The following UBE2D3 variants were observed in gnomAD, a reference collection of about 807,000 sequenced individuals.
UBE2D3 encodes the protein ubiquitin-conjugating enzyme E2 D3.
In UBE2D3, 2 loss-of-function variants were observed where a neutral mutation model predicts 22.8. The observed-to-expected ratio is 0.09, with a 90% CI of 0.04 to 0.28. The LOEUF is 0.28. Ranked by LOEUF, UBE2D3 falls within the 10% of genes least tolerant of loss-of-function variation. The pLI is 1.00. For missense variants in UBE2D3, 27 were observed against 182.5 expected, an observed-to-expected ratio of 0.15 and a Z score of 4.91; for synonymous variants, 56 against 60.4, an observed-to-expected ratio of 0.93 and a Z score of 0.34.
At chr4:102,800,525 A>C (rs1038457019) in intron 6 of UBE2D3, among the ~76,000 whole-genome samples, 3 of 152,132 alleles carry the variant, frequency 2.0e-5, no homozygotes, top group Non-Finnish European at 4.4e-5. Context: ...AGTAGTAGAA[A>C]AACTTGGAAA....
At chr4:102,843,373 T>C (rs1731868386) in intron 1 of UBE2D3, 1 of 151,990 alleles carries the variant, frequency 6.6e-6, no homozygotes, top group Non-Finnish European at 1.5e-5. Flanking sequence ...CACCTGACCA[T>C]GGGACATCAA....
At chr4:102,837,837 A>C (rs1401002948) in intron 1 of UBE2D3, among the ~76,000 whole-genome samples, 2 of 152,210 alleles carry the variant, frequency 1.3e-5, no homozygotes, top group Non-Finnish European at 2.9e-5. Context: ...CTGTAGTCCC[A>C]GCTACTCGGG....
chr4:102,852,899 G>T (rs1732431382), intron 1 of UBE2D3, among the ~76,000 whole-genome samples: 2 of 152,186 alleles, frequency 1.3e-5, no homozygotes, highest in African/African-American at 4.8e-5. Flanking sequence ...AGCCATAGTT[G>T]CTATTGGTCA....
At chr4:102,799,359 A>G in intron 7 of UBE2D3, 48 bp downstream of exon 7, 1 of 1,460,650 alleles carries the variant, frequency 6.8e-7, no homozygotes, top group South Asian at 1.2e-5. Context: ...GTATAAGCCT[A>G]ACTCATTAAG....
chr4:102,835,460 A>T (rs1310786014), intron 1 of UBE2D3, among the ~76,000 whole-genome samples: 1 of 152,236 alleles, frequency 6.6e-6, no homozygotes, highest in African/African-American at 2.4e-5. Context: ...CTATAATATG[A>T]AGTATATTAG....
upstream of UBE2D3, among the ~76,000 whole-genome samples, chr4:102,831,085 G>A (rs1731092202): frequency 6.6e-6 from 1 of 152,110 alleles, no homozygotes; most frequent in Non-Finnish European, 1.5e-5. Context: ...TTTTGTTACA[G>A]AATATTATAA....
At chr4:102,834,618 A>G (rs1230734195) in intron 1 of UBE2D3, among the ~76,000 whole-genome samples, 1 of 151,956 alleles carries the variant, frequency 6.6e-6, no homozygotes, top group Non-Finnish European at 1.5e-5. Flanking sequence ...GCGTGGTGGT[A>G]TGCACCAGTA....
chr4:102,866,473 C>T (rs773923761), intron 1 of UBE2D3, among the ~76,000 whole-genome samples: 1 of 152,168 alleles, frequency 6.6e-6, no homozygotes, highest in Non-Finnish European at 1.5e-5. Flanking sequence ...TTAAAAACGC[C>T]TCTATTGAAC....
chr4:102,808,945 C>T (rs1333617396), intron 4 of UBE2D3: 1 of 155,918 alleles, frequency 6.4e-6, no homozygotes, highest in African/African-American at 2.4e-5. Flanking sequence ...GCTTATAAAA[C>T]CACCAAAAAG....
chr4:102,809,726 G>C, intron 3 of UBE2D3, 23 bp from the exon 4 acceptor site: 1 of 1,612,412 alleles, frequency 6.2e-7, no homozygotes, highest in Non-Finnish European at 8.5e-7. Context: ...AAAAAACTCT[G>C]GTTATCTAAA....
chr4:102,865,534 A>C (rs985919675), intron 1 of UBE2D3, among the ~76,000 whole-genome samples: 2 of 151,992 alleles, frequency 1.3e-5, no homozygotes, highest in Admixed American at 6.6e-5. Context: ...GAAGATAAGC[A>C]ACAGGAAAAG....
intron 4 of UBE2D3, among the ~76,000 whole-genome samples, chr4:102,807,297 T>C (rs562883102): frequency 3.3e-5 from 5 of 152,200 alleles, no homozygotes; most frequent in Non-Finnish European, 5.9e-5. Flanking sequence ...CAAAGAAGTA[T>C]TGAGAAGCCA....
At chr4:102,856,260 G>A (rs995146128) in intron 1 of UBE2D3, among the ~76,000 whole-genome samples, 1 of 152,174 alleles carries the variant, frequency 6.6e-6, no homozygotes, top group African/African-American at 2.4e-5. Context: ...CAGCTACTCG[G>A]AAGGCTGAGG....
chr4:102,841,372 T>C lies in UBE2D3; in HGVS notation c.-128-14736A>G, dbSNP rs1252409607. Among the ~76,000 whole-genome samples, 3 of 152,176 alleles carry C rather than the reference T, an allele frequency of 2.0e-5. No individual in the cohort carries two copies. The South Asian group carries it at 6.2e-4, about 32-fold the overall frequency. On this transcript the variant is annotated intron_variant, in intron 1 of 7. Transcript: ENST00000338145. ...GTTACTGCTGAACATCTTGACTATT[T>C]AAATAAATCACTATTTTTTCCCTAA... is the stretch of plus-strand genomic sequence containing the variant.
At position 102,859,906 on chromosome 4, in the gene UBE2D3, C is replaced by T. The variant is rs575645466; in HGVS notation, c.-129+8809G>A. Among the ~76,000 whole-genome samples the T allele has an allele frequency of 6.8e-5, 10 of 147,856 alleles. 1 individual carries two copies. The South Asian group carries it at 1.7e-3, about 25-fold the overall frequency. On this transcript the variant is annotated intron_variant, in intron 1 of 7. Transcript: ENST00000338145. ...TGTCACCCAGGCTGGAGTGCAGTGG[C>T]GTGATCTCAGCTCACTGCAAGCTCT...
At chr4:102,866,631 C>G (rs752508821) in intron 1 of UBE2D3, among the ~76,000 whole-genome samples, 76 of 152,278 alleles carry the variant, frequency 5.0e-4, no homozygotes, top group Non-Finnish European at 8.1e-4. Flanking sequence ...ACAACAATCA[C>G]AAACATTAAA....
chr4:102,853,155 T>TTTTTTTC (rs1732454373), intron 1 of UBE2D3, among the ~76,000 whole-genome samples: 1 of 128,570 alleles, frequency 7.8e-6, no homozygotes, highest in Admixed American at 7.9e-5. Flanking sequence ...TTTTTTTTTT[T>TTTTTTTC]TTTTTGAGAC....
chr4:102,828,292 GGATTTT>G, upstream of UBE2D3: 1 of 984,182 alleles, frequency 1.0e-6, no homozygotes, highest in South Asian at 4.7e-5. Flanking sequence ...GCTCGGGCCG[GGATTTT>G]GAGGTTTCCG....
chr4:102,799,353 A>G (rs992604725), intron 7 of UBE2D3, 54 bp downstream of exon 7: 47 of 1,398,776 alleles, frequency 3.4e-5, no homozygotes, highest in Non-Finnish European at 4.6e-5. Flanking sequence ...AGCAAAGTAT[A>G]AGCCTAACTC....
Sources: gnomAD v4.1 joint callset for allele counts (sites outside exome capture counted in the v4.1 genomes callset) on GRCh38, gnomAD v4.1.1 for gene constraint, MANE v1.5 for transcripts, NCBI Gene and HGNC (gene_info 2026-07-23, HGNC 2026-07-21) for gene names.